Variants in CUX1 observed in about 807,000 individuals in gnomAD.
CUX1 encodes protein CASP.
A neutral mutation model predicts 158.8 loss-of-function variants in CUX1; 31 were observed. The ratio of observed to expected loss-of-function variants is 0.20; its 90% CI spans 0.15 to 0.26. The LOEUF is 0.26. Ranked by LOEUF, CUX1 falls within the 10% of genes least tolerant of loss-of-function variation. CUX1 has a pLI of 1.00. For synonymous variants in CUX1, 879 were observed against 862.1 expected, an observed-to-expected ratio of 1.02 and a Z score of -0.34; for missense variants, 1,589 against 2,014.6, an observed-to-expected ratio of 0.79 and a Z score of 4.04.
intron 2 of CUX1, among the ~76,000 whole-genome samples, chr7:101,933,676 C>T (rs1289932342): frequency 6.6e-6 from 1 of 152,094 alleles, no homozygotes. Flanking sequence ...TCTTACCTCC[C>T]GTTGACCGTT....
chr7:102,269,273 C>G (rs1554545687), intron 14 of CUX1, among the ~76,000 whole-genome samples: 1 of 152,100 alleles, frequency 6.6e-6, no homozygotes. Context: ...CTGCACCTGG[C>G]TTGATTACAT....
At chr7:101,992,020 C>T (rs1176770004) in intron 2 of CUX1, among the ~76,000 whole-genome samples, 3 of 152,142 alleles carry the variant, frequency 2.0e-5, no homozygotes, top group African/African-American at 7.2e-5. Flanking sequence ...AGTGAGATTC[C>T]GTTTCAAAAA....
intron 20 of CUX1, among the ~76,000 whole-genome samples, chr7:102,209,835 G>C (rs1396879210): frequency 2.0e-5 from 3 of 152,126 alleles, no homozygotes; most frequent in Non-Finnish European, 4.4e-5. Flanking sequence ...TGTTTGCTCA[G>C]AGTGTGGCCT....
At chr7:102,224,347 CAGG>C (rs1798141054) in intron 20 of CUX1, among the ~76,000 whole-genome samples, 1 of 152,162 alleles carries the variant, frequency 6.6e-6, no homozygotes, top group African/African-American at 2.4e-5. Context: ...GCTGGGATTA[CAGG>C]CACCCGCCAC....
chr7:102,195,923 G>T (rs1418689917), intron 14 of CUX1, among the ~76,000 whole-genome samples: 6 of 152,318 alleles, frequency 3.9e-5, no homozygotes, highest in Non-Finnish European at 7.4e-5. Flanking sequence ...TGGTTGTGCT[G>T]CACAGAGGCC....
intron 7 of CUX1, among the ~76,000 whole-genome samples, chr7:102,113,024 A>G (rs376570966): frequency 2.6e-4 from 39 of 152,346 alleles, no homozygotes; most frequent in African/African-American, 8.7e-4. Flanking sequence ...ACAAACGGAT[A>G]ATTAAAAAAT....
At chr7:102,192,747 G>T (rs990266597) in intron 12 of CUX1, among the ~76,000 whole-genome samples, 1 of 152,180 alleles carries the variant, frequency 6.6e-6, no homozygotes, top group Non-Finnish European at 1.5e-5. Flanking sequence ...CCTGCGAGTC[G>T]TAAATCTCAC....
chr7:101,901,733 C>T (rs890059676), intron 1 of CUX1, among the ~76,000 whole-genome samples: 3 of 152,218 alleles, frequency 2.0e-5, no homozygotes, highest in African/African-American at 7.2e-5. Context: ...CCCAGCAGCC[C>T]GTGTCTGCCC....
chr7:101,836,120 A>G (rs761358112), intron 1 of CUX1, among the ~76,000 whole-genome samples: 2 of 152,042 alleles, frequency 1.3e-5, no homozygotes, highest in African/African-American at 4.8e-5. Context: ...CATTGATTCT[A>G]TTTTTTTGTA....
intron 20 of CUX1, among the ~76,000 whole-genome samples, chr7:102,214,929 C>T (rs1054925234): frequency 2.0e-5 from 3 of 152,208 alleles, no homozygotes; most frequent in East Asian, 3.9e-4. Context: ...TGTCATTTGG[C>T]ACCTAAATAA....
At chr7:102,132,332 G>T (rs1298871689) in intron 8 of CUX1, among the ~76,000 whole-genome samples, 1 of 146,202 alleles carries the variant, frequency 6.8e-6, no homozygotes, top group Non-Finnish European at 1.5e-5. Flanking sequence ...CGCACGCCAC[G>T]CACACACGCA....
chr7:102,117,508 C>G (rs536337477), intron 8 of CUX1, among the ~76,000 whole-genome samples: 2 of 150,262 alleles, frequency 1.3e-5, no homozygotes, highest in African/African-American at 4.9e-5. Flanking sequence ...TGAGCCAGAG[C>G]GGGGAAAGGT....
chr7:102,227,697 A>G, intron 21 of CUX1, 28 bp downstream of exon 21: 1 of 1,586,530 alleles, frequency 6.3e-7, no homozygotes, highest in East Asian at 2.2e-5. Flanking sequence ...CTGCTGAGTC[A>G]GGAGGTGGCA....
At chr7:101,868,617 G>A (rs1013253154) in intron 1 of CUX1, among the ~76,000 whole-genome samples, 21 of 152,200 alleles carry the variant, frequency 1.4e-4, no homozygotes, top group African/African-American at 4.8e-4. Context: ...GTTTTTTGGA[G>A]CCCTTCACTT....
intron 8 of CUX1, among the ~76,000 whole-genome samples, chr7:102,138,574 A>C (rs1451471558): frequency 1.3e-5 from 2 of 152,136 alleles, no homozygotes; most frequent in Non-Finnish European, 2.9e-5. Flanking sequence ...TTTCTTATCA[A>C]ACTGTACTGT....
At chr7:102,069,197 C>T (rs1163833643) in intron 3 of CUX1, among the ~76,000 whole-genome samples, 1 of 152,188 alleles carries the variant, frequency 6.6e-6, no homozygotes, top group African/African-American at 2.4e-5. Flanking sequence ...CCTGCCCCCT[C>T]CTGTGCTCTT....
intron 1 of CUX1, among the ~76,000 whole-genome samples, chr7:101,896,240 TC>T (rs992537452): frequency 2.4e-4 from 37 of 152,136 alleles, no homozygotes; most frequent in Admixed American, 2.0e-3. Context: ...CCAGCAGTCT[TC>T]CGACCTCCAG....
intron 2 of CUX1, among the ~76,000 whole-genome samples, chr7:102,002,325 T>A (rs997073374): frequency 3.3e-5 from 5 of 151,842 alleles, no homozygotes; most frequent in Admixed American, 6.6e-5. Context: ...ATATATATAG[T>A]GTGTGTGTGT....
chr7:102,164,225 G>A (rs570164477), intron 9 of CUX1, among the ~76,000 whole-genome samples: 38 of 152,318 alleles, frequency 2.5e-4, no homozygotes, highest in African/African-American at 8.2e-4. Context: ...GTGGTGATCC[G>A]AGTTGCTGGT....
Sources: allele counts gnomAD v4.1 joint callset (sites outside exome capture counted in the v4.1 genomes callset), GRCh38; gene constraint gnomAD v4.1.1; transcripts MANE v1.5; gene names NCBI Gene and HGNC (gene_info 2026-07-23, HGNC 2026-07-21).